ABCB4: variants seen among roughly 807,000 people sequenced by gnomAD.
The protein encoded by ABCB4 is ATP binding cassette subfamily B member 4.
Under a neutral mutation model 145.7 loss-of-function variants are expected in ABCB4, and 76 were observed. The observed-to-expected ratio is 0.52, with a 90% CI of 0.43 to 0.63. The LOEUF (loss-of-function observed/expected upper bound fraction) is 0.63. ABCB4 is among the 30% of genes least tolerant of loss of function. ABCB4 has a pLI of 0.00. For synonymous variants in ABCB4, 517 were observed against 566.8 expected, an observed-to-expected ratio of 0.91 and a Z score of 1.25; for missense variants, 1,234 against 1,553.1, an observed-to-expected ratio of 0.79 and a Z score of 3.45.
chr7:87,416,320 C>T (rs185424381), intron 21 of ABCB4, among the ~76,000 whole-genome samples: 1 of 152,348 alleles, frequency 6.6e-6, no homozygotes, highest in Admixed American at 6.5e-5. Context: ...GCTAGTCACT[C>T]ACCCAGTCTC....
Position 87,406,377 on chromosome 7 carries a change from C to T in ABCB4, c.3397G>A (p.Gly1133Arg). 6.2e-7 allele frequency: 1 copy of T among 1,614,022 alleles called. No individual in the cohort carries two copies. The highest frequency in any genetic ancestry group is 8.5e-7 in the Non-Finnish European group (1 of 1,180,010). The change falls in exon 26 of 28, where the codon GGA becomes AGA. Residue 1133 changes from glycine to arginine, a missense_variant. Physicochemically the swap from Gly to Arg is moderately radical, Grantham distance 125. Coordinates refer to ENST00000649586, the MANE Select transcript of ABCB4 (RefSeq NM_000443.4). ...DCSIAENIAY[G>R]DNSRVVSQDE... is the part of the protein sequence containing the mutation. ...TGTGATACAACCCGGCTGTTGTCTC[C>T]ATAGGCAATATTCTCGGCAATGCTG...
chr7:87,420,627 T>C (rs1331804129), intron 18 of ABCB4, among the ~76,000 whole-genome samples: 1 of 152,210 alleles, frequency 6.6e-6, no homozygotes, highest in Non-Finnish European at 1.5e-5. Context: ...CTGACACAGG[T>C]GCCTATATTC....
chr7:87,384,144 T>C, the ABCB4 span, among the ~76,000 whole-genome samples: 1 of 152,318 alleles, frequency 6.6e-6, no homozygotes, highest in South Asian at 2.1e-4. Flanking sequence ...TGTCTCATTG[T>C]AGTTTTAATT....
At chr7:87,391,765 G>A in the ABCB4 span, 2 of 1,563,846 alleles carry the variant, frequency 1.3e-6, no homozygotes, top group Non-Finnish European at 1.7e-6. Flanking sequence ...TGTTCTAAAG[G>A]AACCGTGGTC....
chr7:87,431,612 C>T (rs770482715), intron 14 of ABCB4, 47 bp from the exon 15 acceptor site: 1 of 1,609,028 alleles, frequency 6.2e-7, no homozygotes, highest in African/African-American at 1.3e-5. Flanking sequence ...TATTGGCACA[C>T]TGTCAATTAA....
chr7:87,377,284 A>T, the ABCB4 span: 1 of 956,710 alleles, frequency 1.0e-6, no homozygotes, highest in Non-Finnish European at 1.6e-6. Flanking sequence ...ATATGTGTTT[A>T]AGATGTAAAT....
At chr7:87,448,330 C>T (rs1025406832) in intron 8 of ABCB4, among the ~76,000 whole-genome samples, 2 of 151,910 alleles carry the variant, frequency 1.3e-5, no homozygotes. Context: ...TAGTGTTGAA[C>T]CAAATAAAAC....
Position 87,426,619 on chromosome 7 carries a change from T to C in ABCB4, c.2064+131A>G, listed in dbSNP as rs45535132. ...AAATACATTTAAAATTTGAAAATTT[T>C]TTTCTTTACAAAGAGTATGGCTCAT... On this transcript the variant is annotated intron_variant, in intron 16 of 27. Coordinates refer to ENST00000649586, the MANE Select transcript of ABCB4 (RefSeq NM_000443.4). 9,816 of 873,514 alleles carry C rather than the reference T, an allele frequency of 0.011. 579 individuals are homozygous for C. The African/African-American group carries it at 0.14, about 12-fold the overall frequency. The allele number at this position is 873,514 out of a possible 1,614,324, so 54.1% of individuals were successfully genotyped here. A position where few individuals can be genotyped will look rare whatever the true frequency, so the allele number is the denominator to read the frequency against.
downstream of ABCB4, chr7:87,398,886 T>C (rs1394700987): frequency 4.2e-6 from 2 of 477,658 alleles, no homozygotes; most frequent in Admixed American, 3.7e-5. Flanking sequence ...ATAGTGAATA[T>C]AGAACTATGC....
intron 15 of ABCB4, among the ~76,000 whole-genome samples, chr7:87,430,408 G>C (rs753198834): frequency 2.6e-5 from 4 of 152,084 alleles, no homozygotes; most frequent in Admixed American, 2.6e-4. Context: ...ATATTCTTAG[G>C]TTATTTATTC....
the ABCB4 span, among the ~76,000 whole-genome samples, chr7:87,383,632 G>T: frequency 6.6e-6 from 1 of 151,880 alleles, no homozygotes. Context: ...GAGTAGCTGG[G>T]ATTACAGGTG....
chr7:87,384,079 C>A, the ABCB4 span, among the ~76,000 whole-genome samples: 1 of 152,064 alleles, frequency 6.6e-6, no homozygotes, highest in African/African-American at 2.4e-5. Context: ...TCTTTGCTAG[C>A]ATCTGTTATT....
chr7:87,453,819 A>G (rs1811927228), intron 5 of ABCB4, among the ~76,000 whole-genome samples: 1 of 152,208 alleles, frequency 6.6e-6, no homozygotes, highest in Non-Finnish European at 1.5e-5. Context: ...TACTATTTAC[A>G]TATTGCAAAT....
chr7:87,398,325 C>T (rs1473042947), downstream of ABCB4: 2 of 699,580 alleles, frequency 2.9e-6, no homozygotes, highest in African/African-American at 1.8e-5. Flanking sequence ...AGGTGCTAGT[C>T]ATCTAATGAA....
chr7:87,443,569 G>A (rs1438621386), intron 11 of ABCB4, 94 bp downstream of exon 11: 1 of 1,520,528 alleles, frequency 6.6e-7, no homozygotes, highest in East Asian at 2.3e-5. Context: ...AAAGGAAAAG[G>A]CACATAAGTA....
intron 26 of ABCB4, among the ~76,000 whole-genome samples, chr7:87,403,760 T>G (rs1308151253): frequency 6.6e-6 from 1 of 152,214 alleles, no homozygotes; most frequent in African/African-American, 2.4e-5. Context: ...CACTGTGGTA[T>G]ACGCAGTCTG....
chr7:87,457,012 C>T (rs1032664910), intron 4 of ABCB4, among the ~76,000 whole-genome samples: 8 of 152,204 alleles, frequency 5.3e-5, no homozygotes, highest in African/African-American at 1.7e-4. Context: ...TGGTACTTAA[C>T]GCTGTCTGTG....
At chr7:87,435,537 A>G (rs1810552613) in intron 14 of ABCB4, among the ~76,000 whole-genome samples, 1 of 152,216 alleles carries the variant, frequency 6.6e-6, no homozygotes, top group African/African-American at 2.4e-5. Flanking sequence ...AGTGAAAGGA[A>G]GTTTCTCTAG....
At chr7:87,418,422 G>T in intron 20 of ABCB4, 115 bp downstream of exon 20, 1 of 980,402 alleles carries the variant, frequency 1.0e-6, no homozygotes, top group East Asian at 2.5e-5. Flanking sequence ...CAGCAGTTTT[G>T]ATTTGAGCTT....
Sources: gnomAD v4.1 joint callset for allele counts (sites outside exome capture counted in the v4.1 genomes callset) on GRCh38, gnomAD v4.1.1 for gene constraint, MANE v1.5 for transcripts, NCBI Gene and HGNC (gene_info 2026-07-23, HGNC 2026-07-21) for gene names.